The following MALAT1 variants were observed in gnomAD, a reference collection of about 807,000 sequenced individuals.
The protein encoded by MALAT1 is hepcarcin.
chr11:65,503,518 T>C (rs1854602699), exon 3 of MALAT1: 1 of 518,732 alleles, frequency 1.9e-6, no homozygotes, highest in South Asian at 1.4e-5. Context: ...AGGAATAGCA[T>C]GATGTGCTGT....
At chr11:65,502,941 G>A in exon 3 of MALAT1, 1 of 495,032 alleles carries the variant, frequency 2.0e-6, no homozygotes, top group Non-Finnish European at 4.0e-6. Flanking sequence ...ATACAATGAA[G>A]AGGCAATGTC....
At chr11:65,500,790 GTTGT>G in exon 3 of MALAT1, 1 of 518,980 alleles carries the variant, frequency 1.9e-6, no homozygotes, top group Non-Finnish European at 3.8e-6. Context: ...TCGGCAATAT[GTTGT>G]TTTTCTGGAA....
chr11:65,506,414 A>G, exon 4 of MALAT1: 1 of 389,534 alleles, frequency 2.6e-6, no homozygotes, highest in South Asian at 2.0e-5. Context: ...TGTTTTGAGA[A>G]GCCCTACTGC....
chr11:65,504,505 T>C, intron 3 of MALAT1: 1 of 518,800 alleles, frequency 1.9e-6, no homozygotes, highest in African/African-American at 1.9e-5. Context: ...TCCAGCTGAG[T>C]GATAAAGGCT....
chr11:65,498,631 G>C, intron 1 of MALAT1: 1 of 518,626 alleles, frequency 1.9e-6, no homozygotes, highest in Non-Finnish European at 3.9e-6. Context: ...GCTCAGTTGC[G>C]TAATGGAAAG....
exon 3 of MALAT1, chr11:65,503,655 T>C (rs781755052): frequency 3.9e-6 from 2 of 513,272 alleles, no homozygotes; most frequent in African/African-American, 1.9e-5. Context: ...TGTCTCCTTA[T>C]TTAAATAAAA....
chr11:65,503,964 G>T, intron 3 of MALAT1: 1 of 515,440 alleles, frequency 1.9e-6, no homozygotes, highest in Non-Finnish European at 3.9e-6. Context: ...GAAAGTCAGG[G>T]GTCTATAAAT....
At chr11:65,499,451 T>G (rs1399709609) in exon 3 of MALAT1, 1 of 471,852 alleles carries the variant, frequency 2.1e-6, no homozygotes, top group East Asian at 5.9e-5. Context: ...AAGTTTAGTT[T>G]AAAAGTTGTA....
chr11:65,505,397 C>T (rs1351884253), intron 3 of MALAT1: 9 of 515,508 alleles, frequency 1.7e-5, no homozygotes, highest in Admixed American at 5.9e-5. Context: ...CTTCTCTTAA[C>T]ATTTAAGCAA....
chr11:65,500,129 A>G (rs1431872392), exon 3 of MALAT1: 3 of 493,174 alleles, frequency 6.1e-6, no homozygotes, highest in Non-Finnish European at 1.2e-5. Flanking sequence ...ACTTGAAGCT[A>G]GAAGGGGAAG....
chr11:65,503,705 G>C, exon 3 of MALAT1: 1 of 517,776 alleles, frequency 1.9e-6, no homozygotes, highest in Non-Finnish European at 3.9e-6. Flanking sequence ...CAATCTTGGG[G>C]GGGATTCTTC....
chr11:65,503,742 G>A (rs756149364), exon 3 of MALAT1: 9 of 517,210 alleles, frequency 1.7e-5, no homozygotes, highest in South Asian at 1.1e-4. Context: ...CTTTGTCTGC[G>A]AACACTCTTT....
chr11:65,499,142 TA>T, exon 3 of MALAT1: 1 of 514,944 alleles, frequency 1.9e-6, no homozygotes, highest in Non-Finnish European at 3.9e-6. Flanking sequence ...AGATAGAGAT[TA>T]ATACAACTAC....
chr11:65,504,671 A>G, intron 3 of MALAT1: 1 of 518,974 alleles, frequency 1.9e-6, no homozygotes, highest in Non-Finnish European at 3.8e-6. Context: ...CAACCTTAAA[A>G]TCAGTGACAA....
chr11:65,500,378 A>G (rs765499057), exon 3 of MALAT1: 8 of 518,864 alleles, frequency 1.5e-5, no homozygotes, highest in South Asian at 2.8e-5. Context: ...GAGGACTAGC[A>G]TTAATTGACA....
At chr11:65,502,493 T>C in exon 3 of MALAT1, 1 of 484,912 alleles carries the variant, frequency 2.1e-6, no homozygotes, top group Non-Finnish European at 4.0e-6. Context: ...TAAGGTATGC[T>C]TCAAAAATTT....
intron 3 of MALAT1, chr11:65,504,376 G>T (rs778386175): frequency 3.9e-6 from 2 of 518,444 alleles, no homozygotes; most frequent in Non-Finnish European, 7.7e-6. Flanking sequence ...TGTTCTGTTG[G>T]CAAGTAAATG....
exon 3 of MALAT1, chr11:65,501,667 G>A (rs551029127): frequency 1.9e-6 from 1 of 519,034 alleles, no homozygotes; most frequent in Non-Finnish European, 3.8e-6. Flanking sequence ...CACCTTCAGG[G>A]ACTGGAGCTG....
intron 3 of MALAT1, chr11:65,506,005 T>G: frequency 4.3e-6 from 2 of 465,960 alleles, no homozygotes; most frequent in Non-Finnish European, 8.3e-6. Context: ...TGATCTCCAA[T>G]GCTCTTCAGT....
Sources: gnomAD v4.1 joint callset for allele counts on GRCh38, gnomAD v4.1.1 for gene constraint, MANE v1.5 for transcripts, NCBI Gene and HGNC (gene_info 2026-07-23, HGNC 2026-07-21) for gene names.